The following TEX14 variants were observed in gnomAD, a reference collection of about 807,000 sequenced individuals.
TEX14 encodes inactive serine/threonine-protein kinase TEX14.
In TEX14, 168 loss-of-function variants were observed where a neutral mutation model predicts 178.6. That is an observed-to-expected ratio of 0.94 (90% CI 0.83 to 1.07). The LOEUF (loss-of-function observed/expected upper bound fraction) is 1.07, where lower values mean the gene tolerates loss of function less well. TEX14 is among the 50% of genes least tolerant of loss of function. The pLI, the probability that TEX14 is intolerant of heterozygous loss-of-function variation, is 0.00. For synonymous variants in TEX14, 626 were observed against 634.1 expected (o/e 0.99, Z 0.19); for missense variants, 1,730 against 1,753.6 (o/e 0.99, Z 0.24).
Position 58,630,570 on chromosome 17 carries a change from C to G in TEX14, c.137-16G>C, listed in dbSNP as rs190469629. On this transcript the variant is annotated splice_polypyrimidine_tract_variant and intron_variant, in intron 2 of 31. Transcript: ENST00000349033. Reference sequence around the variant, plus strand: ...ACATAAATTCCTGCAAAGGAAATATCAGAATCAATGCAAATATCAGAAAAT... The same window carrying G: ...ACATAAATTCCTGCAAAGGAAATATGAGAATCAATGCAAATATCAGAAAAT... 1.0e-3 allele frequency: 1,633 copies of G among 1,574,752 alleles called. No homozygotes were observed. Among genetic ancestry groups the G allele is most frequent in the Non-Finnish European group, 1.3e-3 (1,446 of 1,144,530 alleles).
intron 1 of TEX14, among the ~76,000 whole-genome samples, chr17:58,687,599 C>A (rs2047623430): frequency 6.6e-6 from 1 of 151,912 alleles, no homozygotes; most frequent in South Asian, 2.1e-4. Context: ...TCCCAAAATG[C>A]TGGGATTACA....
At chr17:58,676,612 C>A (rs925249234) in intron 1 of TEX14, among the ~76,000 whole-genome samples, 1 of 152,056 alleles carries the variant, frequency 6.6e-6, no homozygotes, top group Non-Finnish European at 1.5e-5. Flanking sequence ...ATGTCAGAAC[C>A]TAAAGGTGAT....
rs148323798 is a variant in TEX14, at chr17:58,692,000, T to C, written c.-63A>G. 2.6e-5 allele frequency: 4 copies of C among 153,770 alleles called. No individual in the cohort carries two copies. Among genetic ancestry groups the C allele is most frequent in the African/African-American group, 7.2e-5 (3 of 41,468 alleles). 9.5% of individuals were successfully genotyped at this position (153,770 alleles called of 1,614,324 possible). On this transcript the variant is annotated 5_prime_UTR_variant, in exon 1 of 32. It removes an upstream start codon present in the reference 5' UTR. Transcript: ENST00000349033. ...GAAATAACGGTCTCAGTAACCTCCA[T>C]GCTCGGGATACGACTCCCGGGAAGA...
chr17:58,660,030 G>T (rs949446033), intron 1 of TEX14, among the ~76,000 whole-genome samples: 3 of 151,308 alleles, frequency 2.0e-5, no homozygotes, highest in Admixed American at 2.0e-4. Flanking sequence ...TAAGAAATTG[G>T]AACACACCAG....
chr17:58,590,041 T>C (rs770241456), intron 15 of TEX14, among the ~76,000 whole-genome samples: 5 of 151,974 alleles, frequency 3.3e-5, no homozygotes, highest in Non-Finnish European at 7.4e-5. Flanking sequence ...GGCGGGCAGA[T>C]CACAAAGTCA....
At chr17:58,603,067 C>CA (rs953381882) in intron 11 of TEX14, among the ~76,000 whole-genome samples, 17 of 148,592 alleles carry the variant, frequency 1.1e-4, no homozygotes, top group East Asian at 6.1e-4. Context: ...AACAAAAAAA[C>CA]AAAAAAAAAC....
chr17:58,633,968 G>GAAA (rs34378655), intron 2 of TEX14, among the ~76,000 whole-genome samples: 6 of 112,536 alleles, frequency 5.3e-5, no homozygotes, highest in Non-Finnish European at 8.9e-5. Context: ...CTCTGTCTCC[G>GAAA]AAAAAAAAAA....
intron 15 of TEX14, among the ~76,000 whole-genome samples, chr17:58,591,279 A>C (rs1169062065): frequency 2.0e-5 from 3 of 152,168 alleles, no homozygotes; most frequent in Admixed American, 2.0e-4. Flanking sequence ...ACACTTTGGG[A>C]GGCCAAGGTG....
chr17:58,621,642 G>C lies in TEX14; in HGVS notation c.554+8C>G. 6.2e-7 allele frequency: 1 copy of C among 1,611,704 alleles called. No individual in the cohort carries two copies. Among genetic ancestry groups the C allele is most frequent in the African/African-American group, 1.3e-5 (1 of 74,966 alleles). ...AGACTATCCCACTCTGCTCAAGGCA[G>C]TACTCACCCCTGCACGAGGCCCCCA... On this transcript the variant is annotated splice_region_variant and intron_variant, in intron 5 of 31. Transcript: ENST00000349033.
chr17:58,639,215 A>T (rs1234079463), intron 2 of TEX14, among the ~76,000 whole-genome samples: 1 of 151,956 alleles, frequency 6.6e-6, no homozygotes, highest in Non-Finnish European at 1.5e-5. Flanking sequence ...CAAACATTGT[A>T]TGTTTTCACT....
chr17:58,581,850 T>G, intron 19 of TEX14: 1 of 1,098,698 alleles, frequency 9.1e-7, no homozygotes, highest in Non-Finnish European at 1.3e-6. Flanking sequence ...AGTGTGACAC[T>G]GAGCTGACTC....
chr17:58,633,862 G>A (rs1382459539), intron 2 of TEX14, among the ~76,000 whole-genome samples: 2 of 151,896 alleles, frequency 1.3e-5, no homozygotes, highest in Admixed American at 1.3e-4. Context: ...CAGCTACTCA[G>A]GAGGCTGAGG....
rs191115556 is a variant in TEX14 at position 58,584,474 on chromosome 17, T to G, written c.3171+26A>C. 5 of 1,537,154 alleles carry G rather than the reference T, an allele frequency of 3.3e-6. No individual in the cohort carries two copies. The Admixed American group carries it at 6.7e-5, about 21-fold the overall frequency. ...ATCTTATTAGATCTTTGGGTTCAAC[T>G]TGGCTTTCCAGGCAGTATTACTTAC... On this transcript the variant is annotated intron_variant, in intron 19 of 31. Coordinates refer to ENST00000349033, the MANE Select transcript of TEX14 (RefSeq NM_031272.5).
At chr17:58,559,408 G>A (rs2144320580) in intron 30 of TEX14, 45 bp downstream of exon 30, 4 of 825,444 alleles carry the variant, frequency 4.8e-6, no homozygotes. Context: ...GCACATCAAA[G>A]CCCAAGGACT....
In TEX14 at chr17:58,584,587, T is replaced by C. The variant is rs758614582; in HGVS notation, c.3084A>G (p.Pro1028=). The C allele has an allele frequency of 1.6e-5, 26 of 1,613,732 alleles. No homozygotes were observed. The highest frequency in any genetic ancestry group is 4.0e-5 in the African/African-American group (3 of 74,916). ...CTGGTTGCTCCTTTTGTCTGGGAGA[T>C]GGGTGCCTGATACCTAATGATTGTA... The part of the protein sequence containing the change: ...RLGSFTSIRH[P]SPRQKEQPEH... The change falls in exon 19 of 32, where the codon CCA becomes CCG. Residue 1028 remains proline, a synonymous_variant. Transcript: ENST00000349033.
chr17:58,628,753 C>T (rs1317095209), intron 3 of TEX14, among the ~76,000 whole-genome samples: 2 of 151,120 alleles, frequency 1.3e-5, no homozygotes, highest in African/African-American at 4.9e-5. Context: ...GGTGTGGTGG[C>T]ACGTGCCTGT....
intron 1 of TEX14, among the ~76,000 whole-genome samples, chr17:58,659,055 C>T (rs2047031770): frequency 6.6e-6 from 1 of 151,882 alleles, no homozygotes; most frequent in African/African-American, 2.4e-5. Flanking sequence ...GTCATAACCA[C>T]AACTCCAAAA....
intron 3 of TEX14, among the ~76,000 whole-genome samples, chr17:58,624,095 A>G (rs1255458965): frequency 6.6e-6 from 1 of 152,130 alleles, no homozygotes; most frequent in African/African-American, 2.4e-5. Flanking sequence ...CATCCTGGCT[A>G]ACGCGGTGAA....
At chr17:58,586,732 G>A (rs2044984134) in intron 17 of TEX14, among the ~76,000 whole-genome samples, 1 of 151,026 alleles carries the variant, frequency 6.6e-6, no homozygotes, top group South Asian at 2.1e-4. Flanking sequence ...TTGTAACTCT[G>A]ATGAGAAAAA....
Sources: gnomAD v4.1 joint callset for allele counts (sites outside exome capture counted in the v4.1 genomes callset) on GRCh38, gnomAD v4.1.1 for gene constraint, MANE v1.5 for transcripts, NCBI Gene and HGNC (gene_info 2026-07-23, HGNC 2026-07-21) for gene names.